Variants in PLCB1 observed in about 807,000 individuals in gnomAD.
PLCB1 encodes the protein 1-phosphatidylinositol 4,5-bisphosphate phosphodiesterase beta-1.
PLCB1 carries 46 observed loss-of-function variants against 161.8 expected under a neutral mutation model. That is an observed-to-expected ratio of 0.28 (90% confidence interval 0.22 to 0.36). The LOEUF (loss-of-function observed/expected upper bound fraction) is 0.36, where lower values mean the gene tolerates loss of function less well. Among genes scored for constraint, PLCB1 ranks in the 10% least tolerant of loss-of-function variants. The pLI is 1.00. For missense variants in PLCB1, 1,016 were observed against 1,472.5 expected, an observed-to-expected ratio of 0.69 and a Z score of 5.07; for synonymous variants, 517 against 503.7, an observed-to-expected ratio of 1.03 and a Z score of -0.35.
chr20:8,151,279 T>G (rs548581497), intron 2 of PLCB1, among the ~76,000 whole-genome samples: 1 of 152,286 alleles, frequency 6.6e-6, no homozygotes, highest in South Asian at 2.1e-4. Flanking sequence ...GAACAAATTG[T>G]TAGCTCTTTC....
intron 3 of PLCB1, among the ~76,000 whole-genome samples, chr20:8,623,654 T>A (rs1026132009): frequency 6.6e-6 from 1 of 152,090 alleles, no homozygotes; most frequent in Non-Finnish European, 1.5e-5. Context: ...TAAAAAAAAA[T>A]AGCTAAAAAA....
Position 8,668,502 on chromosome 20 carries a change from T to A in PLCB1, c.862+9798T>A, listed in dbSNP as rs1025683697. Among the ~76,000 whole-genome samples the A allele has an allele frequency of 1.3e-5, 2 of 152,172 alleles. 1 individual carries two copies. Among genetic ancestry groups the A allele is most frequent in the South Asian group, 4.1e-4 (2 of 4,826 alleles). Reference sequence around the variant, plus strand: ...AATGCTTCTGAACAATGTGGCTATATGTCTTTGTTGAGGGTTTTCCCAGAA... The same window carrying A: ...AATGCTTCTGAACAATGTGGCTATAAGTCTTTGTTGAGGGTTTTCCCAGAA... On this transcript the variant is annotated intron_variant, in intron 9 of 31. Transcript: ENST00000338037.
intron 31 of PLCB1, among the ~76,000 whole-genome samples, chr20:8,866,654 G>T (rs1054346387): frequency 6.6e-6 from 1 of 152,074 alleles, no homozygotes; most frequent in African/African-American, 2.4e-5. Context: ...TAGAAGAACG[G>T]GTGTCTGCTG....
In PLCB1 at chr20:8,883,803, CTT is replaced by C. The variant is rs1235092129; in HGVS notation, c.*1955_*1956del. On this transcript the variant is annotated 3_prime_UTR_variant, in exon 32 of 32. Transcript: ENST00000338037. The stretch of plus-strand genomic sequence containing the variant: ...GGTGTTCATTAGACACTTAATAAAA[CTT>C]AACTTCCAATGAAAAAGAAATCTTT... 1 of 102,598 alleles carries C rather than the reference CTT, an allele frequency of 9.7e-6. No individual in the cohort carries two copies. The highest frequency in any genetic ancestry group is 2.1e-5 in the Non-Finnish European group (1 of 46,590). 6.4% of individuals were successfully genotyped at this position (102,598 alleles called of 1,614,324 possible).
At chr20:8,268,065 CA>C (rs1982070210) in intron 2 of PLCB1, among the ~76,000 whole-genome samples, 1 of 151,914 alleles carries the variant, frequency 6.6e-6, no homozygotes, top group South Asian at 2.1e-4. Context: ...GTGCTGCACC[CA>C]TTAACTCATC....
intron 2 of PLCB1, among the ~76,000 whole-genome samples, chr20:8,344,101 C>A (rs184371770): frequency 4.6e-5 from 7 of 152,252 alleles, no homozygotes; most frequent in African/African-American, 1.7e-4. Flanking sequence ...CATGCCATTT[C>A]TTTTCCAGGC....
chr20:8,466,119 A>C (rs1212551924), intron 3 of PLCB1, among the ~76,000 whole-genome samples: 1 of 150,692 alleles, frequency 6.6e-6, no homozygotes, highest in Admixed American at 6.6e-5. Context: ...TGTGGCACAT[A>C]TACACCATGG....
intron 29 of PLCB1, 99 bp downstream of exon 29, chr20:8,788,821 G>C: frequency 1.4e-6 from 1 of 736,244 alleles, no homozygotes; most frequent in Non-Finnish European, 2.2e-6. Flanking sequence ...AGACTCCTTC[G>C]TGAAGTTTCT....
At chr20:8,752,533 C>A (rs184404528) in intron 23 of PLCB1, among the ~76,000 whole-genome samples, 176 of 152,188 alleles carry the variant, frequency 1.2e-3, no homozygotes, top group African/African-American at 4.0e-3. Context: ...GTGGCTCATG[C>A]CTGTAATCCA....
chr20:8,322,475 A>T (rs1001210563), intron 2 of PLCB1, among the ~76,000 whole-genome samples: 2 of 152,082 alleles, frequency 1.3e-5, no homozygotes, highest in African/African-American at 2.4e-5. Context: ...AAAATTTTTA[A>T]AAAAAATCAG....
intron 2 of PLCB1, among the ~76,000 whole-genome samples, chr20:8,318,901 T>G (rs1047328414): frequency 2.6e-5 from 4 of 152,164 alleles, no homozygotes; most frequent in Admixed American, 6.6e-5. Context: ...AGTCATCCCT[T>G]CTTACTTTTA....
chr20:8,505,786 TATGTCAC>T (rs2122830192), intron 3 of PLCB1, among the ~76,000 whole-genome samples: 1 of 152,332 alleles, frequency 6.6e-6, no homozygotes, highest in South Asian at 2.1e-4. Flanking sequence ...AGCTGGTAAT[TATGTCAC>T]ATCTGTTTGG....
At chr20:8,159,988 CAAAAAAA>C (rs375028388) in intron 2 of PLCB1, among the ~76,000 whole-genome samples, 1 of 79,330 alleles carries the variant, frequency 1.3e-5, no homozygotes, top group South Asian at 5.4e-4. Context: ...AACTCCATCT[CAAAAAAA>C]AAAAAAAAAA....
chr20:8,481,953 C>T (rs4342008), intron 3 of PLCB1, among the ~76,000 whole-genome samples: 2 of 151,506 alleles, frequency 1.3e-5, no homozygotes, highest in African/African-American at 4.9e-5. Context: ...TTTCAGGATT[C>T]GAATAAAATA....
intron 3 of PLCB1, among the ~76,000 whole-genome samples, chr20:8,415,437 C>G (rs548899163): frequency 6.6e-6 from 1 of 152,268 alleles, no homozygotes; most frequent in African/African-American, 2.4e-5. Context: ...TTCCATAGGT[C>G]TTAATTTGGA....
intron 2 of PLCB1, among the ~76,000 whole-genome samples, chr20:8,305,317 G>T (rs531217810): frequency 6.6e-6 from 1 of 152,110 alleles, no homozygotes; most frequent in Non-Finnish European, 1.5e-5. Flanking sequence ...ACCTTCTTTT[G>T]GTAAGAAGAC....
chr20:8,170,452 A>C (rs1311223957), intron 2 of PLCB1, among the ~76,000 whole-genome samples: 1 of 152,108 alleles, frequency 6.6e-6, no homozygotes, highest in Non-Finnish European at 1.5e-5. Flanking sequence ...AAATAATATG[A>C]TTTGCAGATT....
rs1436408215 is a variant in PLCB1 at position 8,882,628 on chromosome 20, T to C, written c.*779T>C. On this transcript the variant is annotated 3_prime_UTR_variant, in exon 32 of 32. Coordinates refer to ENST00000338037, the MANE Select transcript of PLCB1 (RefSeq NM_015192.4). ...TTTGCACTCAAAGTCTGGGTATTCA[T>C]TGGTTATTGGCCTGAAATGATCAAA... The C allele has an allele frequency of 6.6e-6, 1 of 152,608 alleles. No homozygotes were observed. Among genetic ancestry groups the C allele is most frequent in the Non-Finnish European group, 1.5e-5 (1 of 68,042 alleles). 9.5% of individuals were successfully genotyped at this position (152,608 alleles called of 1,614,324 possible).
Position 8,680,875 on chromosome 20 carries a change from G to T in PLCB1, c.863-4057G>T, listed in dbSNP as rs548322901. Among the ~76,000 whole-genome samples the T allele has an allele frequency of 1.4e-4, 21 of 151,432 alleles. No individual in the cohort carries two copies. In the South Asian group the frequency reaches 1.5e-3, roughly 11 times the overall value. On this transcript the variant is annotated intron_variant, in intron 9 of 31. Coordinates refer to ENST00000338037, the MANE Select transcript of PLCB1 (RefSeq NM_015192.4). Reference sequence around the variant, plus strand: ...AAAGGTAGAGAAAATAACCAAAAAGGTTATGGTTTAATTGACCTGTAGGGT... The same window carrying T: ...AAAGGTAGAGAAAATAACCAAAAAGTTTATGGTTTAATTGACCTGTAGGGT...
Sources: gnomAD v4.1 joint callset for allele counts (sites outside exome capture counted in the v4.1 genomes callset) on GRCh38, gnomAD v4.1.1 for gene constraint, MANE v1.5 for transcripts, NCBI Gene and HGNC (gene_info 2026-07-23, HGNC 2026-07-21) for gene names.